The following RBFOX3 variants were observed in gnomAD, a reference collection of about 807,000 sequenced individuals.
The protein encoded by RBFOX3 is RNA binding protein fox-1 homolog 3.
In RBFOX3, 17 loss-of-function variants were observed where a neutral mutation model predicts 48.7. That is an observed-to-expected ratio of 0.35 (90% CI 0.24 to 0.52). The LOEUF is 0.52. RBFOX3 is among the 20% of genes least tolerant of loss of function. RBFOX3 has a pLI of 0.94. For synonymous variants in RBFOX3, 212 were observed against 209.5 expected, an observed-to-expected ratio of 1.01 and a Z score of -0.10; for missense variants, 382 against 497.5, an observed-to-expected ratio of 0.77 and a Z score of 2.21.
At chr17:79,118,551 G>A (rs748017683) in intron 4 of RBFOX3, among the ~76,000 whole-genome samples, 4 of 152,102 alleles carry the variant, frequency 2.6e-5, no homozygotes, top group Non-Finnish European at 5.9e-5. Flanking sequence ...AAGTGTGGAA[G>A]GCACAGCGTG....
chr17:79,597,546 C>A (rs1363911860), intron 1 of RBFOX3, among the ~76,000 whole-genome samples: 1 of 152,180 alleles, frequency 6.6e-6, no homozygotes, highest in Non-Finnish European at 1.5e-5. Context: ...GGAAGGGATG[C>A]CCTAGTGAGG....
At chr17:79,560,704 C>T (rs947626524) in intron 1 of RBFOX3, among the ~76,000 whole-genome samples, 3 of 152,092 alleles carry the variant, frequency 2.0e-5, no homozygotes, top group Admixed American at 6.5e-5. Context: ...GGCGGGAAGC[C>T]GTTCAGTCTC....
At chr17:79,128,509 C>T (rs904666362) in intron 4 of RBFOX3, among the ~76,000 whole-genome samples, 2 of 152,210 alleles carry the variant, frequency 1.3e-5, no homozygotes, top group Admixed American at 1.3e-4. Context: ...TTCCTGCCTT[C>T]AGACTCAGCT....
chr17:79,312,558 G>A (rs1259329053), intron 2 of RBFOX3, among the ~76,000 whole-genome samples: 1 of 152,130 alleles, frequency 6.6e-6, no homozygotes, highest in Non-Finnish European at 1.5e-5. Flanking sequence ...CCCCAAGGTG[G>A]GGGCAGGTGG....
intron 2 of RBFOX3, among the ~76,000 whole-genome samples, chr17:79,442,297 G>C (rs2071186332): frequency 5.6e-5 from 1 of 17,924 alleles, no homozygotes; most frequent in Non-Finnish European, 1.2e-4. Flanking sequence ...GAGGGAGGGA[G>C]AGAGAGGGAG....
chr17:79,593,532 G>A (rs2093481938), intron 1 of RBFOX3, among the ~76,000 whole-genome samples: 1 of 152,200 alleles, frequency 6.6e-6, no homozygotes, highest in African/African-American at 2.4e-5. Flanking sequence ...GGAGAAAGGG[G>A]CTGCCAGAGA....
chr17:79,317,569 G>A (rs2077711916), intron 2 of RBFOX3, among the ~76,000 whole-genome samples: 1 of 152,206 alleles, frequency 6.6e-6, no homozygotes, highest in African/African-American at 2.4e-5. Flanking sequence ...GCCCGTGGCA[G>A]GGCCTTCTAG....
intron 1 of RBFOX3, among the ~76,000 whole-genome samples, chr17:79,507,688 G>A (rs2083371339): frequency 6.6e-6 from 1 of 152,192 alleles, no homozygotes; most frequent in Non-Finnish European, 1.5e-5. Flanking sequence ...TGCATCCTCA[G>A]GAGATGTCCA....
intron 14 of RBFOX3, 65 bp downstream of exon 14, chr17:79,094,386 G>C: frequency 8.1e-7 from 1 of 1,231,204 alleles, no homozygotes; most frequent in East Asian, 3.0e-5. Context: ...TCCCCCAAGG[G>C]CCTCACCACC....
chr17:79,584,679 A>G (rs1366340799), intron 1 of RBFOX3, among the ~76,000 whole-genome samples: 1 of 152,222 alleles, frequency 6.6e-6, no homozygotes, highest in African/African-American at 2.4e-5. Flanking sequence ...ATGGAAAACC[A>G]AATATCGTAT....
Position 79,249,077 on chromosome 17 carries a change from G to A in RBFOX3, c.-73-13272C>T, listed in dbSNP as rs538001983. 6.0e-4 allele frequency among the ~76,000 whole-genome samples: 91 copies of A among 152,296 alleles called. No homozygotes were observed. Among genetic ancestry groups the A allele is most frequent in the African/African-American group, 2.0e-3 (82 of 41,556 alleles). ...AGAGCGAGGCTGCCTCCCCTGGGTCGGCAACGCCACCTCGCTTCCTGCAGC... is the reference window on the plus strand; with the variant it reads ...AGAGCGAGGCTGCCTCCCCTGGGTCAGCAACGCCACCTCGCTTCCTGCAGC... On this transcript the variant is annotated intron_variant, in intron 3 of 14. Coordinates refer to ENST00000693108, the MANE Select transcript of RBFOX3 (RefSeq NM_001350451.2). The surrounding 1 kb of genome is among the most constrained non-coding windows in gnomAD (Gnocchi z 4.1).
At chr17:79,345,604 T>C (rs1300326229) in intron 2 of RBFOX3, among the ~76,000 whole-genome samples, 1 of 152,188 alleles carries the variant, frequency 6.6e-6, no homozygotes, top group East Asian at 1.9e-4. Context: ...GTTTATTGAT[T>C]ATATATTCTC....
chr17:79,109,438 G>T (rs1041634742), intron 5 of RBFOX3, among the ~76,000 whole-genome samples: 6 of 152,242 alleles, frequency 3.9e-5, no homozygotes, highest in African/African-American at 1.4e-4. Context: ...CTCCATCCAA[G>T]CCTGGGGAAC....
At chr17:79,619,825 T>C in the RBFOX3 span, among the ~76,000 whole-genome samples, 3 of 152,036 alleles carry the variant, frequency 2.0e-5, no homozygotes, top group African/African-American at 7.2e-5. Flanking sequence ...TGGGGGAGCC[T>C]CCTCTACTGG....
chr17:79,258,803 ATCC>A (rs2065274978), intron 3 of RBFOX3, among the ~76,000 whole-genome samples: 1 of 152,070 alleles, frequency 6.6e-6, no homozygotes, highest in Non-Finnish European at 1.5e-5. Context: ...TCGCCACACC[ATCC>A]TCCTCCTGCT....
rs73409379 is a variant in RBFOX3, at chr17:79,422,235, C to T, written c.-175+60219G>A. On this transcript the variant is annotated intron_variant, in intron 2 of 14. Transcript: ENST00000693108. ...GCAGACAGCAGTTGGGACGGGCACG[C>T]GGGGAGGGCTGGCCCCCGACAGCGG... Among the ~76,000 whole-genome samples the T allele has an allele frequency of 4.4e-3, 672 of 152,112 alleles. 10 individuals are homozygous for T. The highest frequency in any genetic ancestry group is 0.015 in the African/African-American group (638 of 41,484).
chr17:79,123,121 G>C (rs1328472579), intron 4 of RBFOX3, among the ~76,000 whole-genome samples: 1 of 152,122 alleles, frequency 6.6e-6, no homozygotes, highest in South Asian at 2.1e-4. Context: ...AGAGCAGAAA[G>C]AATGAATAAG....
intron 4 of RBFOX3, among the ~76,000 whole-genome samples, chr17:79,189,023 A>G (rs2146398748): frequency 6.6e-6 from 1 of 152,370 alleles, no homozygotes; most frequent in Middle Eastern, 3.4e-3. Flanking sequence ...AGCCAAAGGA[A>G]GAGGGGGGCA....
intron 1 of RBFOX3, among the ~76,000 whole-genome samples, chr17:79,592,597 G>A (rs1401570657): frequency 6.6e-6 from 1 of 151,992 alleles, no homozygotes; most frequent in Non-Finnish European, 1.5e-5. Flanking sequence ...GCTGGGGCAG[G>A]GAGTGGTTCC....
Sources: allele counts gnomAD v4.1 joint callset (sites outside exome capture counted in the v4.1 genomes callset), GRCh38; gene constraint gnomAD v4.1.1; non-coding constraint Gnocchi (gnomAD v3.1); transcripts MANE v1.5; gene names NCBI Gene and HGNC (gene_info 2026-07-23, HGNC 2026-07-21).